IGSF23: variants seen among roughly 807,000 people sequenced by gnomAD.
IGSF23 encodes immunoglobulin superfamily, member 23.
In IGSF23, 14 loss-of-function variants were observed where a neutral mutation model predicts 17.8. The observed-to-expected ratio is 0.79, with a 90% CI of 0.52 to 1.23. The LOEUF (loss-of-function observed/expected upper bound fraction) is 1.23, where lower values mean the gene tolerates loss of function less well. Ranked by LOEUF, IGSF23 falls within the 50% of genes most tolerant of loss-of-function variation. The pLI is 0.00. For missense variants in IGSF23, 214 were observed against 241.7 expected (o/e 0.89, Z 0.76); for synonymous variants, 85 against 92.5 (o/e 0.92, Z 0.46).
chr19:44,625,354 T>C (rs1337564524), intron 2 of IGSF23, among the ~76,000 whole-genome samples: 1 of 152,202 alleles, frequency 6.6e-6, no homozygotes, highest in Non-Finnish European at 1.5e-5. Context: ...ATTGTCATTA[T>C]TAATTGTAGC....
Position 44,618,871 on chromosome 19 carries a change from G to T in IGSF23, c.126-4836G>T, listed in dbSNP as rs147633929. On this transcript the variant is annotated intron_variant, in intron 1 of 4. Transcript: ENST00000402988. ...CCCAGCTTCAACAGGAAGGAAAAAGGCCCCACCTCTTAAGGAGAGGAGTTG... is the reference window on the plus strand; with the variant it reads ...CCCAGCTTCAACAGGAAGGAAAAAGTCCCCACCTCTTAAGGAGAGGAGTTG... 1.1e-4 allele frequency among the ~76,000 whole-genome samples: 16 copies of T among 152,130 alleles called. No individual in the cohort carries two copies. The East Asian group carries it at 3.1e-3, about 29-fold the overall frequency.
At chr19:44,625,373 T>C (rs1972621950) in intron 2 of IGSF23, among the ~76,000 whole-genome samples, 2 of 152,214 alleles carry the variant, frequency 1.3e-5, no homozygotes, top group African/African-American at 4.8e-5. Flanking sequence ...GCTATTACCA[T>C]ATACAGTCGG....
intron 3 of IGSF23, among the ~76,000 whole-genome samples, chr19:44,634,463 G>C (rs1424303771): frequency 6.6e-6 from 1 of 152,152 alleles, no homozygotes; most frequent in Admixed American, 6.5e-5. Context: ...ATATTTCCCT[G>C]TTGATCTGGG....
chr19:44,617,205 C>T (rs1356278471), intron 1 of IGSF23, among the ~76,000 whole-genome samples: 2 of 131,856 alleles, frequency 1.5e-5, no homozygotes, highest in African/African-American at 5.9e-5. Flanking sequence ...AGCCAACACA[C>T]CGGCCTACTC....
chr19:44,624,828 G>A (rs377247861), intron 2 of IGSF23, among the ~76,000 whole-genome samples: 6 of 149,058 alleles, frequency 4.0e-5, no homozygotes, highest in East Asian at 2.0e-4. Flanking sequence ...TTGGGAGGCT[G>A]AGGCAGGAGG....
intron 3 of IGSF23, among the ~76,000 whole-genome samples, chr19:44,633,119 G>A (rs1972805451): frequency 6.6e-6 from 1 of 152,208 alleles, no homozygotes; most frequent in Non-Finnish European, 1.5e-5. Context: ...TGCTTAGCAG[G>A]CTACAGTATG....
chr19:44,633,324 T>A (rs758834930), intron 3 of IGSF23, among the ~76,000 whole-genome samples: 1 of 152,252 alleles, frequency 6.6e-6, no homozygotes. Flanking sequence ...AAAATGATAT[T>A]CTAATCTTTG....
At chr19:44,615,623 T>C (rs962627817) in intron 1 of IGSF23, among the ~76,000 whole-genome samples, 3 of 149,060 alleles carry the variant, frequency 2.0e-5, no homozygotes, top group African/African-American at 7.4e-5. Flanking sequence ...AACTCCATCT[T>C]TAAAAAAAAA....
chr19:44,626,630 G>T (rs1295675519), intron 2 of IGSF23, among the ~76,000 whole-genome samples: 1 of 152,192 alleles, frequency 6.6e-6, no homozygotes, highest in African/African-American at 2.4e-5. Context: ...AGGTACAGTG[G>T]CTCATTCCTG....
intron 3 of IGSF23, among the ~76,000 whole-genome samples, chr19:44,633,794 G>A (rs1334727670): frequency 6.6e-6 from 1 of 152,130 alleles, no homozygotes; most frequent in Non-Finnish European, 1.5e-5. Flanking sequence ...AAGCTGCTTT[G>A]CCTTGTTTCT....
At chr19:44,615,192 G>C (rs1424496734) in intron 1 of IGSF23, among the ~76,000 whole-genome samples, 2 of 152,180 alleles carry the variant, frequency 1.3e-5, no homozygotes, top group Non-Finnish European at 2.9e-5. Flanking sequence ...AGAAGGCTGA[G>C]GCAGGAGAAT....
At chr19:44,616,436 A>G (rs1001939116) in intron 1 of IGSF23, among the ~76,000 whole-genome samples, 12 of 152,072 alleles carry the variant, frequency 7.9e-5, no homozygotes, top group Admixed American at 2.6e-4. Flanking sequence ...GGTGGCTCAC[A>G]CCTGTAATCC....
In IGSF23 at chr19:44,635,374, C is replaced by T. The variant is rs66807970; in HGVS notation, c.546-27C>T. ...TCTCTCTCTCTCTCTCTCTCTCTCT[C>T]TGTCTCTCTCTCTCTCTCCACTGCA... On this transcript the variant is annotated intron_variant, in intron 3 of 4. Coordinates refer to ENST00000402988, the MANE Select transcript of IGSF23 (RefSeq NM_001205280.2). The T allele has an allele frequency of 4.7e-3, 3,926 of 843,242 alleles. 14 individuals are homozygous for T. The highest frequency in any genetic ancestry group is 9.4e-3 in the South Asian group (300 of 31,886). The allele number at this position is 843,242 out of a possible 1,614,324, so 52.2% of individuals were successfully genotyped here.
chr19:44,623,893 G>A lies in IGSF23; in HGVS notation c.312G>A (p.Glu104=), dbSNP rs939017280. 4 of 1,550,822 alleles carry A rather than the reference G, an allele frequency of 2.6e-6. No homozygotes were observed. Among genetic ancestry groups the A allele is most frequent in the Non-Finnish European group, 2.6e-6 (3 of 1,147,048 alleles). Residue 104 remains glutamate, a synonymous_variant, in exon 2 of 5, where the codon GAG becomes GAA. Coordinates refer to ENST00000402988, the MANE Select transcript of IGSF23 (RefSeq NM_001205280.2). The part of the protein sequence containing the change: ...EKLFIRRLSC[E]QLGTYMCIAT... Reference sequence around the variant, plus strand: ...TGTTCATCCGACGGTTGTCCTGTGAGCAGCTGGGCACCTACATGTGCATAG... The same window carrying A: ...TGTTCATCCGACGGTTGTCCTGTGAACAGCTGGGCACCTACATGTGCATAG...
chr19:44,627,039 T>G (rs1441502458), intron 2 of IGSF23, among the ~76,000 whole-genome samples: 1 of 151,556 alleles, frequency 6.6e-6, no homozygotes, highest in African/African-American at 2.4e-5. Flanking sequence ...CTTGGAAAAT[T>G]GAGTGGAGTC....
intron 2 of IGSF23, 43 bp from the exon 3 acceptor site, chr19:44,627,377 C>A: frequency 6.9e-7 from 1 of 1,458,022 alleles, no homozygotes; most frequent in Non-Finnish European, 9.2e-7. Context: ...ACAGGGAGGG[C>A]GGGCAGATGG....
chr19:44,635,282 C>A, intron 3 of IGSF23, 119 bp from the exon 4 acceptor site: 1 of 745,892 alleles, frequency 1.3e-6, no homozygotes, highest in South Asian at 1.7e-5. Context: ...CAAATATAGT[C>A]ACATTGGAGG....
rs774708128 is a variant in IGSF23 at position 44,635,369 on chromosome 19, TCTCTC to T, written c.546-31_546-27del. The T allele has an allele frequency of 5.0e-3, 7,242 of 1,460,168 alleles. 13 individuals are homozygous for T. The highest frequency in any genetic ancestry group is 0.016 in the East Asian group (577 of 36,108). The allele number at this position is 1,460,168 out of a possible 1,614,324, so 90.5% of individuals were successfully genotyped here. ...CTTATTCTCTCTCTCTCTCTCTCTC[TCTCTC>T]TGTCTCTCTCTCTCTCTCCACTGCA... On this transcript the variant is annotated intron_variant, in intron 3 of 4. Transcript: ENST00000402988.
rs1268742567 is a variant in IGSF23 at position 44,627,448 on chromosome 19, G to A, written c.420G>A (p.Glu140=). ...PKPIMQPTEA[E]PMEPDPTLSL... ...CCATCATGCAGCCCACAGAAGCAGA[G>A]CCCATGGAGCCAGACCCCACTCTGT... The change falls in exon 3 of 5, where the codon GAG becomes GAA. Residue 140 remains glutamate (E), a synonymous_variant. Transcript: ENST00000402988. The A allele has an allele frequency of 1.9e-6, 3 of 1,548,458 alleles. No individual in the cohort carries two copies. The highest frequency in any genetic ancestry group is 2.6e-6 in the Non-Finnish European group (3 of 1,145,490).
Sources: allele counts gnomAD v4.1 joint callset (sites outside exome capture counted in the v4.1 genomes callset), GRCh38; gene constraint gnomAD v4.1.1; transcripts MANE v1.5; gene names NCBI Gene and HGNC (gene_info 2026-07-23, HGNC 2026-07-21).